Variants in CCSER2 observed in about 807,000 individuals in gnomAD.
The protein encoded by CCSER2 is serine-rich coiled-coil domain-containing protein 2.
A neutral mutation model predicts 92.3 loss-of-function variants in CCSER2; 46 were observed. The observed-to-expected ratio is 0.50, with a 90% confidence interval of 0.39 to 0.64. The LOEUF (loss-of-function observed/expected upper bound fraction) is 0.64, where lower values mean the gene tolerates loss of function less well. CCSER2 is among the 30% of genes least tolerant of loss of function. CCSER2 has a pLI of 0.00. For missense variants in CCSER2, 1,244 were observed against 1,238.9 expected, an observed-to-expected ratio of 1.00 and a Z score of -0.06; for synonymous variants, 433 against 431.4, an observed-to-expected ratio of 1.00 and a Z score of -0.04.
intron 1 of CCSER2, among the ~76,000 whole-genome samples, chr10:84,351,207 G>A (rs550769805): frequency 6.6e-6 from 1 of 152,142 alleles, no homozygotes; most frequent in South Asian, 2.1e-4. Context: ...TTGTGTTAGG[G>A]TGGTGGAATT....
At chr10:84,379,268 C>T (rs915401679) in intron 3 of CCSER2, among the ~76,000 whole-genome samples, 1 of 152,204 alleles carries the variant, frequency 6.6e-6, no homozygotes, top group South Asian at 2.1e-4. Context: ...CTCTTTTTAA[C>T]ATCTTATAGG....
chr10:84,425,575 G>A (rs538623882), intron 4 of CCSER2, among the ~76,000 whole-genome samples, 156 bp from the exon 5 acceptor site: 2 of 152,238 alleles, frequency 1.3e-5, no homozygotes, highest in Admixed American at 6.5e-5. Flanking sequence ...AACTGGTTAT[G>A]CTTTTAGAAA....
intron 1 of CCSER2, among the ~76,000 whole-genome samples, chr10:84,366,388 A>G (rs1303265378): frequency 1.3e-5 from 2 of 152,220 alleles, no homozygotes; most frequent in African/African-American, 2.4e-5. Context: ...TTGAGGATCT[A>G]TTAAATTTGT....
intron 9 of CCSER2, among the ~76,000 whole-genome samples, chr10:84,505,020 G>A (rs1848968988): frequency 6.6e-6 from 1 of 152,016 alleles, no homozygotes; most frequent in Admixed American, 6.5e-5. Flanking sequence ...CATTATGGAG[G>A]AATTAGAAGA....
At chr10:84,410,689 A>C (rs898556436) in intron 3 of CCSER2, among the ~76,000 whole-genome samples, 6 of 152,304 alleles carry the variant, frequency 3.9e-5, no homozygotes, top group African/African-American at 1.4e-4. Context: ...GATAGATTGC[A>C]AAAATTTTTC....
chr10:84,436,603 C>G (rs1472858835), intron 5 of CCSER2, among the ~76,000 whole-genome samples: 2 of 140,598 alleles, frequency 1.4e-5, no homozygotes, highest in African/African-American at 2.6e-5. Context: ...CCACTGCACT[C>G]TAGCCTGGGG....
At chr10:84,334,527 A>T (rs186339421) in intron 1 of CCSER2, among the ~76,000 whole-genome samples, 1 of 152,094 alleles carries the variant, frequency 6.6e-6, no homozygotes, top group Admixed American at 6.5e-5. Flanking sequence ...GTTTGGAGCC[A>T]TTGGGAAGCC....
At chr10:84,341,343 C>CTT (rs35558044) in intron 1 of CCSER2, among the ~76,000 whole-genome samples, 4,170 of 94,184 alleles carry the variant, frequency 0.044, 183 homozygotes, top group Non-Finnish European at 0.058. Context: ...CTTTGTAACT[C>CTT]TTTTTTTTTT....
chr10:84,388,046 G>C (rs1841320070), intron 3 of CCSER2, among the ~76,000 whole-genome samples: 1 of 151,894 alleles, frequency 6.6e-6, no homozygotes, highest in Non-Finnish European at 1.5e-5. Flanking sequence ...TGTAGTTTTA[G>C]TAGAGACGTG....
intron 8 of CCSER2, among the ~76,000 whole-genome samples, chr10:84,474,344 G>A (rs1847000838): frequency 6.6e-6 from 1 of 152,054 alleles, no homozygotes; most frequent in Non-Finnish European, 1.5e-5. Flanking sequence ...TCTCTCCTAA[G>A]CCCCTTCTGT....
chr10:84,427,099 C>T (rs1490467769), intron 5 of CCSER2, among the ~76,000 whole-genome samples: 1 of 152,112 alleles, frequency 6.6e-6, no homozygotes, highest in Non-Finnish European at 1.5e-5. Context: ...ATCCCTTCTA[C>T]TTAGTGTATT....
At chr10:84,502,458 G>A (rs912530604) in intron 9 of CCSER2, among the ~76,000 whole-genome samples, 6 of 144,196 alleles carry the variant, frequency 4.2e-5, no homozygotes, top group Non-Finnish European at 9.0e-5. Context: ...TGCAAGCTCC[G>A]CCTCCCGGGT....
chr10:84,515,238 T>G lies in CCSER2; in HGVS notation c.*971T>G, dbSNP rs1849558243. The G allele has an allele frequency of 6.6e-6, 1 of 152,602 alleles. No homozygotes were observed. Among genetic ancestry groups the G allele is most frequent in the South Asian group, 2.1e-4 (1 of 4,828 alleles). 9.5% of individuals were successfully genotyped at this position (152,602 alleles called of 1,614,324 possible). A position where few individuals can be genotyped will look rare whatever the true frequency, so the allele number is the denominator to read the frequency against. ...TATCTGAAGACTGAAATAATGAACT[T>G]GAAACATTTGCACAAAACTTTGATG... On this transcript the variant is annotated 3_prime_UTR_variant, in exon 10 of 10. Coordinates refer to ENST00000372088, the MANE Select transcript of CCSER2 (RefSeq NM_001284240.2).
intron 6 of CCSER2, among the ~76,000 whole-genome samples, chr10:84,453,818 A>T (rs2133598570): frequency 6.6e-6 from 1 of 152,270 alleles, no homozygotes; most frequent in East Asian, 1.9e-4. Context: ...TCCTCTGATT[A>T]CTAATTAGAA....
intron 9 of CCSER2, among the ~76,000 whole-genome samples, chr10:84,499,011 A>G (rs187549420): frequency 8.9e-4 from 136 of 152,360 alleles, no homozygotes; most frequent in African/African-American, 3.2e-3. Context: ...TGTCCACGTA[A>G]CCAGTGGCCT....
intron 9 of CCSER2, among the ~76,000 whole-genome samples, chr10:84,500,395 A>G (rs1848662622): frequency 2.0e-5 from 3 of 152,200 alleles, no homozygotes; most frequent in Admixed American, 1.3e-4. Flanking sequence ...ATTTCTTTAA[A>G]TAATATTTCC....
chr10:84,483,035 C>T (rs1489377023), intron 9 of CCSER2, among the ~76,000 whole-genome samples: 2 of 152,096 alleles, frequency 1.3e-5, no homozygotes, highest in Non-Finnish European at 2.9e-5. Context: ...ATCCATGTTA[C>T]GGTATATATA....
intron 5 of CCSER2, among the ~76,000 whole-genome samples, chr10:84,433,438 C>T (rs1337789702): frequency 1.3e-5 from 2 of 151,900 alleles, no homozygotes; most frequent in African/African-American, 4.8e-5. Flanking sequence ...CACACATACA[C>T]ACACACACAC....
chr10:84,364,344 T>C lies in CCSER2; in HGVS notation c.-39-6670T>C, dbSNP rs545753278. 2.0e-5 allele frequency among the ~76,000 whole-genome samples: 3 copies of C among 152,366 alleles called. No individual in the cohort carries two copies. In the East Asian group the frequency reaches 5.8e-4, roughly 29 times the overall value. On this transcript the variant is annotated intron_variant, in intron 1 of 9. Transcript: ENST00000372088. ...GCTCCACTGTAATCTCATGGGACCA[T>C]CGTTGTAAATATAGTCCATTATTGA...
Sources: allele counts gnomAD v4.1 joint callset (sites outside exome capture counted in the v4.1 genomes callset), GRCh38; gene constraint gnomAD v4.1.1; transcripts MANE v1.5; gene names NCBI Gene and HGNC (gene_info 2026-07-23, HGNC 2026-07-21).